The following AGAP1 variants were observed in gnomAD, a reference collection of about 807,000 sequenced individuals.
AGAP1 encodes arf-GAP with GTPase, ANK repeat and PH domain-containing protein 1.
Under a neutral mutation model 105.3 loss-of-function variants are expected in AGAP1, and 29 were observed. The ratio of observed to expected loss-of-function variants is 0.28; its 90% CI spans 0.21 to 0.38. The LOEUF (loss-of-function observed/expected upper bound fraction) is 0.38. Ranked by LOEUF, AGAP1 falls within the 10% of genes least tolerant of loss-of-function variation. The pLI is 1.00. For synonymous variants in AGAP1, 509 were observed against 485.9 expected (o/e 1.05, Z -0.63); for missense variants, 998 against 1,165.1 (o/e 0.86, Z 2.09).
chr2:235,771,997 A>ACCTTTT (rs377170250), intron 6 of AGAP1, among the ~76,000 whole-genome samples: 1 of 131,666 alleles, frequency 7.6e-6, no homozygotes, highest in African/African-American at 2.9e-5. Context: ...TTCTTTTCTT[A>ACCTTTT]TCTTTTTTTT....
chr2:235,958,346 C>T lies in AGAP1; in HGVS notation c.1484-10116C>T, dbSNP rs1159281473. Among the ~76,000 whole-genome samples the T allele has an allele frequency of 1.3e-5, 2 of 152,104 alleles. No individual in the cohort carries two copies. The highest frequency in any genetic ancestry group is 2.9e-5 in the Non-Finnish European group (2 of 68,026). ...GAGAGGATTAGGGCCCTGCTAACGG[C>T]AGCAGTAACAGCGGGAGTCCTTGCA... On this transcript the variant is annotated intron_variant, in intron 12 of 17. Transcript: ENST00000304032. This position sits in a 1 kb window ranked among gnomAD's most constrained non-coding sequence, Gnocchi z 4.1.
chr2:235,799,479 C>G lies in AGAP1; in HGVS notation c.914C>G (p.Thr305Arg), dbSNP rs1420324645. The change falls in exon 8 of 18, where the codon ACG becomes AGG. Residue 305 changes from threonine (T) to arginine (R), a missense_variant. By Grantham distance (71) the Thr-to-Arg change is moderately conservative (BLOSUM62 -1). Transcript: ENST00000304032. The surrounding 1 kb of genome is among the most constrained non-coding windows in gnomAD (Gnocchi z 5.0). ...GTTCCTCCCACTGCCAACACGCCCA[C>G]GCCCGTTCGCAAGCAGTCTAAGCGC... Reference protein sequence around the residue: ...IDVPPTANTPTPVRKQSKRRS... With the variant: ...IDVPPTANTPRPVRKQSKRRS... The G allele has an allele frequency of 6.2e-7, 1 of 1,614,214 alleles. No individual in the cohort carries two copies. Among genetic ancestry groups the G allele is most frequent in the Non-Finnish European group, 8.5e-7 (1 of 1,180,030 alleles).
At chr2:235,576,285 C>T (rs1196957116) in intron 1 of AGAP1, among the ~76,000 whole-genome samples, 1 of 152,216 alleles carries the variant, frequency 6.6e-6, no homozygotes, top group Non-Finnish European at 1.5e-5. Context: ...TCGTTTTACT[C>T]TCCAGTCTTT....
chr2:235,686,681 A>G (rs1366976845), intron 1 of AGAP1, among the ~76,000 whole-genome samples: 2 of 67,690 alleles, frequency 3.0e-5, no homozygotes, highest in Admixed American at 3.7e-4. Flanking sequence ...TTTTTTTTTT[A>G]GACAGAGTCT....
At chr2:235,661,581 G>C (rs1204901923) in intron 1 of AGAP1, among the ~76,000 whole-genome samples, 2 of 152,160 alleles carry the variant, frequency 1.3e-5, no homozygotes, top group Non-Finnish European at 1.5e-5. Context: ...ATGTGCATCT[G>C]CAGCGGGACT....
intron 1 of AGAP1, among the ~76,000 whole-genome samples, chr2:235,508,147 A>G (rs78542782): frequency 6.6e-6 from 1 of 152,304 alleles, no homozygotes; most frequent in African/African-American, 2.4e-5. Context: ...AGTACTCCAC[A>G]GTGTACATGT....
At chr2:236,077,126 GAAAAAAA>G (rs200778447) in intron 16 of AGAP1, among the ~76,000 whole-genome samples, 42 of 117,512 alleles carry the variant, frequency 3.6e-4, no homozygotes, top group African/African-American at 1.1e-3. Flanking sequence ...AAAAAGAGTA[GAAAAAAA>G]AAAAAAAAAA....
intron 16 of AGAP1, among the ~76,000 whole-genome samples, chr2:236,079,470 G>A (rs888901699): frequency 5.3e-5 from 8 of 150,608 alleles, no homozygotes; most frequent in African/African-American, 2.0e-4. Flanking sequence ...GGAATTTAAG[G>A]CTGCAGTGAG....
At chr2:236,117,816 TTCTTTTTGTCTGTCTCCTGA>T (rs1037082657) in intron 16 of AGAP1, among the ~76,000 whole-genome samples, 10 of 152,354 alleles carry the variant, frequency 6.6e-5, no homozygotes, top group Non-Finnish European at 1.3e-4. Flanking sequence ...TCAGAACTGC[TTCTTTTTGTCTGTCTCCTGA>T]ACCCGTATTT....
intron 16 of AGAP1, among the ~76,000 whole-genome samples, chr2:236,088,198 TCAGA>T (rs1200884745): frequency 1.3e-5 from 2 of 152,206 alleles, no homozygotes; most frequent in East Asian, 3.9e-4. Flanking sequence ...CTGAGTGTCC[TCAGA>T]CAGTGGAATC....
chr2:235,826,450 C>T (rs954558585), intron 9 of AGAP1, among the ~76,000 whole-genome samples: 4 of 152,098 alleles, frequency 2.6e-5, no homozygotes, highest in Admixed American at 6.6e-5. Flanking sequence ...TCCCCCACCC[C>T]CACTCCTTTT....
intron 1 of AGAP1, among the ~76,000 whole-genome samples, chr2:235,645,102 G>A (rs557397025): frequency 3.9e-4 from 59 of 152,160 alleles, no homozygotes; most frequent in African/African-American, 1.3e-3. Flanking sequence ...TACCATGTTG[G>A]CCAGGCTGGT....
chr2:236,003,256 G>C lies in AGAP1; in HGVS notation c.1646-33305G>C, dbSNP rs1379098429. Among the ~76,000 whole-genome samples, 2 of 152,086 alleles carry C rather than the reference G, an allele frequency of 1.3e-5. No homozygotes were observed. The highest frequency in any genetic ancestry group is 4.8e-5 in the African/African-American group (2 of 41,400). ...GACGGGGTTTTGCCATGTTGCCCAG[G>C]CTGGTCTCGAACTCCTGGCCTCAGG... On this transcript the variant is annotated intron_variant, in intron 13 of 17. Coordinates refer to ENST00000304032, the MANE Select transcript of AGAP1 (RefSeq NM_001037131.3). This position sits in a 1 kb window ranked among gnomAD's most constrained non-coding sequence, Gnocchi z 4.2.
intron 13 of AGAP1, among the ~76,000 whole-genome samples, chr2:236,023,300 T>G (rs1268019928): frequency 1.3e-5 from 2 of 152,160 alleles, no homozygotes; most frequent in Non-Finnish European, 2.9e-5. Context: ...GGGTCCAGCC[T>G]GGCACCTCCC....
At chr2:235,686,063 G>A (rs529633743) in intron 1 of AGAP1, among the ~76,000 whole-genome samples, 2 of 152,312 alleles carry the variant, frequency 1.3e-5, no homozygotes, top group South Asian at 2.1e-4. Flanking sequence ...AGGCAGGTTT[G>A]TCCTGAGCAT....
At chr2:235,839,941 A>G (rs1410286658) in intron 9 of AGAP1, among the ~76,000 whole-genome samples, 1 of 152,260 alleles carries the variant, frequency 6.6e-6, no homozygotes, top group Non-Finnish European at 1.5e-5. Context: ...AAAATGAGAA[A>G]GTCAATGAAG....
chr2:235,548,314 C>T (rs1943694273), intron 1 of AGAP1, among the ~76,000 whole-genome samples: 1 of 152,188 alleles, frequency 6.6e-6, no homozygotes, highest in South Asian at 2.1e-4. Flanking sequence ...TCTCCCATTT[C>T]CTTCTCCTCC....
intron 1 of AGAP1, among the ~76,000 whole-genome samples, chr2:235,513,917 A>G (rs186966116): frequency 6.6e-6 from 1 of 152,332 alleles, no homozygotes; most frequent in African/African-American, 2.4e-5. Context: ...CCCCACGCTG[A>G]ACCCTCCCGA....
At chr2:236,077,694 A>G (rs2058677818) in intron 16 of AGAP1, among the ~76,000 whole-genome samples, 1 of 152,144 alleles carries the variant, frequency 6.6e-6, no homozygotes, top group Admixed American at 6.5e-5. Flanking sequence ...TTACATAGTC[A>G]TCCCCCTTGG....
Sources: allele counts gnomAD v4.1 joint callset (sites outside exome capture counted in the v4.1 genomes callset), GRCh38; gene constraint gnomAD v4.1.1; non-coding constraint Gnocchi (gnomAD v3.1); transcripts MANE v1.5; gene names NCBI Gene and HGNC (gene_info 2026-07-23, HGNC 2026-07-21).